Variants in MAGI2 observed in about 807,000 individuals in gnomAD.
MAGI2 encodes the protein membrane-associated guanylate kinase, WW and PDZ domain-containing protein 2.
In MAGI2, 35 loss-of-function variants were observed where a neutral mutation model predicts 133.3. The observed-to-expected ratio is 0.26, with a 90% confidence interval of 0.20 to 0.35. MAGI2 has a LOEUF of 0.35. Ranked by LOEUF, MAGI2 falls within the 10% of genes least tolerant of loss-of-function variation. The pLI is 1.00. For missense variants in MAGI2, 1,636 were observed against 1,863.4 expected (o/e 0.88, Z 2.25); for synonymous variants, 729 against 710.6 (o/e 1.03, Z -0.41).
At chr7:78,222,200 C>T (rs1310804623) in intron 10 of MAGI2, among the ~76,000 whole-genome samples, 2 of 152,042 alleles carry the variant, frequency 1.3e-5, no homozygotes, top group East Asian at 1.9e-4. Flanking sequence ...CCCCATTCCT[C>T]GAGGGTTTCA....
At chr7:78,779,246 CT>C (rs71085567) in intron 2 of MAGI2, among the ~76,000 whole-genome samples, 67,283 of 151,628 alleles carry the variant, frequency 0.44, 15,436 homozygotes, top group Non-Finnish European at 0.51. Context: ...CAAACAGCAA[CT>C]TTTTTTTTCC....
At chr7:78,584,926 G>T (rs1036825405) in intron 3 of MAGI2, among the ~76,000 whole-genome samples, 1 of 152,126 alleles carries the variant, frequency 6.6e-6, no homozygotes, top group African/African-American at 2.4e-5. Flanking sequence ...GGTTTTGTAG[G>T]ATTTAAATGA....
chr7:78,637,869 G>C (rs1809847328), intron 2 of MAGI2, among the ~76,000 whole-genome samples: 1 of 152,162 alleles, frequency 6.6e-6, no homozygotes, highest in African/African-American at 2.4e-5. Context: ...GGAAGGCTAA[G>C]GAGTTTGAGA....
chr7:78,773,412 AG>A (rs1825742936), intron 2 of MAGI2, among the ~76,000 whole-genome samples: 1 of 152,234 alleles, frequency 6.6e-6, no homozygotes, highest in Non-Finnish European at 1.5e-5. Flanking sequence ...CCATTACTCA[AG>A]GAACAAACTG....
intron 1 of MAGI2, among the ~76,000 whole-genome samples, chr7:79,266,945 TA>T (rs778384351): frequency 5.9e-5 from 9 of 152,072 alleles, no homozygotes; most frequent in Non-Finnish European, 1.0e-4. Context: ...GTCTATCACA[TA>T]GACTTCAGAT....
intron 2 of MAGI2, among the ~76,000 whole-genome samples, chr7:78,759,986 G>A (rs1824324479): frequency 6.6e-6 from 1 of 152,096 alleles, no homozygotes; most frequent in South Asian, 2.1e-4. Flanking sequence ...GTGGTGGCAT[G>A]TGCCTGTAAT....
intron 9 of MAGI2, among the ~76,000 whole-genome samples, chr7:78,298,030 C>T (rs187452831): frequency 1.2e-3 from 181 of 149,622 alleles, no homozygotes; most frequent in African/African-American, 4.3e-3. Context: ...TTAACATTAA[C>T]AAGCAATGTC....
intron 11 of MAGI2, among the ~76,000 whole-genome samples, chr7:78,196,177 T>C (rs1222509694): frequency 2.0e-5 from 3 of 152,116 alleles, no homozygotes; most frequent in African/African-American, 7.2e-5. Context: ...CCACTCTTCC[T>C]TCCCCTCTCT....
At chr7:78,229,647 T>A (rs1789756408) in intron 10 of MAGI2, among the ~76,000 whole-genome samples, 1 of 152,224 alleles carries the variant, frequency 6.6e-6, no homozygotes, top group African/African-American at 2.4e-5. Context: ...CAAGGAGGGA[T>A]AGGCTGTTTT....
At chr7:79,233,252 G>GA (rs1248870040) in intron 1 of MAGI2, among the ~76,000 whole-genome samples, 4 of 132,394 alleles carry the variant, frequency 3.0e-5, no homozygotes, top group Non-Finnish European at 6.4e-5. Flanking sequence ...GTGTGGTGCT[G>GA]AAAAAAATGT....
chr7:78,432,384 C>T (rs1294345975), intron 6 of MAGI2, among the ~76,000 whole-genome samples: 2 of 151,936 alleles, frequency 1.3e-5, no homozygotes, highest in Non-Finnish European at 2.9e-5. Flanking sequence ...TAGTTCTAAC[C>T]GTGCTTAGAC....
intron 3 of MAGI2, among the ~76,000 whole-genome samples, chr7:78,553,654 G>T (rs1011106623): frequency 1.3e-5 from 2 of 152,272 alleles, no homozygotes; most frequent in South Asian, 4.2e-4. Context: ...ACTGTCCTGG[G>T]TGCTAGATAC....
chr7:78,269,039 C>T (rs184904482), intron 9 of MAGI2, among the ~76,000 whole-genome samples: 97 of 152,108 alleles, frequency 6.4e-4, no homozygotes, highest in African/African-American at 2.3e-3. Flanking sequence ...TGTGGTGTTT[C>T]GTTTTCTGTT....
chr7:78,332,192 G>A (rs1241046496), intron 9 of MAGI2, among the ~76,000 whole-genome samples: 1 of 152,144 alleles, frequency 6.6e-6, no homozygotes, highest in African/African-American at 2.4e-5. Flanking sequence ...GACTGTGCAA[G>A]GCAAAAAGAA....
At chr7:78,974,759 T>G (rs987111424) in intron 2 of MAGI2, among the ~76,000 whole-genome samples, 6 of 151,758 alleles carry the variant, frequency 4.0e-5, no homozygotes, top group Non-Finnish European at 1.5e-5. Context: ...TTACCAAGCA[T>G]TCCCATGCCC....
intron 6 of MAGI2, among the ~76,000 whole-genome samples, chr7:78,464,429 G>T (rs1262108585): frequency 6.6e-6 from 1 of 152,004 alleles, no homozygotes; most frequent in Non-Finnish European, 1.5e-5. Context: ...TGCTTGTCTG[G>T]CTTTTGTGTC....
chr7:79,203,882 G>A (rs892862809), intron 1 of MAGI2, among the ~76,000 whole-genome samples: 3 of 151,938 alleles, frequency 2.0e-5, no homozygotes, highest in South Asian at 4.1e-4. Flanking sequence ...TCCAGTGGTC[G>A]TCCCCATGCA....
intron 2 of MAGI2, among the ~76,000 whole-genome samples, chr7:78,707,374 C>A (rs1818760221): frequency 6.6e-6 from 1 of 152,048 alleles, no homozygotes; most frequent in African/African-American, 2.4e-5. Flanking sequence ...AAAGGTGAAT[C>A]TGTGACTATA....
chr7:79,221,674 T>C (rs34266783), intron 1 of MAGI2, among the ~76,000 whole-genome samples: 1 of 152,012 alleles, frequency 6.6e-6, no homozygotes, highest in African/African-American at 2.4e-5. Context: ...ACTTTTATTG[T>C]TCTTCTTCAG....
Sources: gnomAD v4.1 joint callset for allele counts (sites outside exome capture counted in the v4.1 genomes callset) on GRCh38, gnomAD v4.1.1 for gene constraint, MANE v1.5 for transcripts, NCBI Gene and HGNC (gene_info 2026-07-23, HGNC 2026-07-21) for gene names.